PTPN4: variants seen among roughly 807,000 people sequenced by gnomAD.
PTPN4 encodes protein tyrosine phosphatase non-receptor type 4.
PTPN4 carries 49 observed loss-of-function variants against 135.5 expected under a neutral mutation model. The ratio of observed to expected loss-of-function variants is 0.36; its 90% CI spans 0.29 to 0.46. The LOEUF is 0.46. Ranked by LOEUF, PTPN4 falls within the 20% of genes least tolerant of loss-of-function variation. PTPN4 has a pLI of 1.00. For missense variants in PTPN4, 860 were observed against 1,101.0 expected (o/e 0.78, Z 3.10); for synonymous variants, 333 against 369.9 (o/e 0.90, Z 1.14).
At chr2:119,880,507 G>C (rs1454641210) in intron 5 of PTPN4, among the ~76,000 whole-genome samples, 1 of 150,944 alleles carries the variant, frequency 6.6e-6, no homozygotes, top group African/African-American at 2.4e-5. Context: ...TCGGCTCATT[G>C]CAAGCTCTGC....
intron 10 of PTPN4, among the ~76,000 whole-genome samples, chr2:119,903,061 C>A (rs1177542054): frequency 6.6e-6 from 1 of 152,152 alleles, no homozygotes; most frequent in Non-Finnish European, 1.5e-5. Flanking sequence ...TAACTGCACC[C>A]AGGATACAGC....
At position 119,875,351 on chromosome 2, in the gene PTPN4, C is replaced by A. The variant is rs138147080; in HGVS notation, c.247-1972C>A. Among the ~76,000 whole-genome samples, 3 of 152,240 alleles carry A rather than the reference C, an allele frequency of 2.0e-5. 1 individual carries two copies. The East Asian group carries it at 5.8e-4, about 29-fold the overall frequency. On this transcript the variant is annotated intron_variant, in intron 3 of 26. Transcript: ENST00000263708. ...GTACTTCTAAGCTATGTCAGCTTGA[C>A]ACATCTGTGTATGTAAATGTGTTTG... is the stretch of plus-strand genomic sequence containing the variant.
At chr2:119,837,544 G>C (rs1677314045) in intron 2 of PTPN4, among the ~76,000 whole-genome samples, 1 of 152,198 alleles carries the variant, frequency 6.6e-6, no homozygotes, top group South Asian at 2.1e-4. Context: ...CATTCTTCCT[G>C]GAGGGAGGAC....
intron 1 of PTPN4, among the ~76,000 whole-genome samples, chr2:119,775,815 ATATC>A (rs948184563): frequency 8.9e-5 from 13 of 146,806 alleles, no homozygotes; most frequent in African/African-American, 3.3e-4. Context: ...ATCTATATCT[ATATC>A]TATATCTATA....
chr2:119,965,248 T>C (rs533491274), intron 24 of PTPN4, among the ~76,000 whole-genome samples: 1 of 152,262 alleles, frequency 6.6e-6, no homozygotes, highest in East Asian at 1.9e-4. Flanking sequence ...CAAGTTGTTA[T>C]CTGTAGAGCA....
rs535936924 is a variant in PTPN4, at chr2:119,948,770, C to T, written c.1656+2196C>T. Among the ~76,000 whole-genome samples, 5 of 152,048 alleles carry T rather than the reference C, an allele frequency of 3.3e-5. No individual in the cohort carries two copies. The South Asian group carries it at 1.0e-3, about 32-fold the overall frequency. On this transcript the variant is annotated intron_variant, in intron 18 of 26. Coordinates refer to ENST00000263708, the MANE Select transcript of PTPN4 (RefSeq NM_002830.4). ...ATATAAATATGGAAATATATCCATA[C>T]GATGGCATTATGGAAAAATATATAA...
At chr2:119,825,827 T>C (rs1677138834) in intron 2 of PTPN4, among the ~76,000 whole-genome samples, 2 of 152,144 alleles carry the variant, frequency 1.3e-5, no homozygotes, top group Admixed American at 6.5e-5. Flanking sequence ...CAAACTGGTG[T>C]TTTTATTTCC....
At chr2:119,863,333 T>C (rs1677787516) in intron 3 of PTPN4, among the ~76,000 whole-genome samples, 1 of 152,112 alleles carries the variant, frequency 6.6e-6, no homozygotes, top group Non-Finnish European at 1.5e-5. Flanking sequence ...AAATTCTGAT[T>C]GAATTCTTTG....
chr2:119,947,929 G>A (rs1286034488), intron 18 of PTPN4, among the ~76,000 whole-genome samples: 2 of 152,180 alleles, frequency 1.3e-5, no homozygotes, highest in African/African-American at 4.8e-5. Flanking sequence ...GTAGCCCACA[G>A]GGACCTCTCA....
At chr2:119,826,071 C>T (rs1398596857) in intron 2 of PTPN4, among the ~76,000 whole-genome samples, 1 of 152,094 alleles carries the variant, frequency 6.6e-6, no homozygotes, top group South Asian at 2.1e-4. Context: ...TGTGTTGGGA[C>T]CCAGGTGTGT....
chr2:119,771,059 G>A (rs1295215000), intron 1 of PTPN4, among the ~76,000 whole-genome samples: 1 of 152,070 alleles, frequency 6.6e-6, no homozygotes, highest in Non-Finnish European at 1.5e-5. Flanking sequence ...CTTTTACTCA[G>A]TAGAAATCAG....
chr2:119,956,393 T>TA (rs1282570213), intron 20 of PTPN4, among the ~76,000 whole-genome samples: 1 of 152,162 alleles, frequency 6.6e-6, no homozygotes, highest in Non-Finnish European at 1.5e-5. Flanking sequence ...GGATAGTTTT[T>TA]AATGTGTTTT....
chr2:119,912,713 C>T (rs1678591950), intron 10 of PTPN4, among the ~76,000 whole-genome samples: 1 of 151,996 alleles, frequency 6.6e-6, no homozygotes. Context: ...ATTTTTAAAT[C>T]ACTATTGATA....
Position 119,877,460 on chromosome 2 carries a change from C to G in PTPN4, c.290-4C>G. On this transcript the variant is annotated splice_polypyrimidine_tract_variant and splice_region_variant and intron_variant, in intron 4 of 26. Coordinates refer to ENST00000263708, the MANE Select transcript of PTPN4 (RefSeq NM_002830.4). ...TTAATTAGAACTACTTTTATTAATT[C>G]TAGGAGGATCTCCTTACAGTTTGAA... 1 of 1,608,556 alleles carries G rather than the reference C, an allele frequency of 6.2e-7. No individual in the cohort carries two copies. The highest frequency in any genetic ancestry group is 8.5e-7 in the Non-Finnish European group (1 of 1,178,324).
intron 1 of PTPN4, among the ~76,000 whole-genome samples, chr2:119,770,945 T>G (rs1056123526): frequency 6.6e-6 from 1 of 151,390 alleles, no homozygotes; most frequent in Non-Finnish European, 1.5e-5. Context: ...AGTGGCGCAG[T>G]CTCTGCTCAC....
intron 15 of PTPN4, among the ~76,000 whole-genome samples, chr2:119,939,298 T>TTTTG (rs1178410345): frequency 6.6e-6 from 1 of 152,000 alleles, no homozygotes; most frequent in South Asian, 2.1e-4. Context: ...AGAAGTGGCT[T>TTTTG]TTTGTTTGTT....
At chr2:119,780,187 C>G (rs1022246379) in intron 1 of PTPN4, among the ~76,000 whole-genome samples, 5 of 152,108 alleles carry the variant, frequency 3.3e-5, no homozygotes, top group African/African-American at 9.7e-5. Context: ...CTTTCTTGCT[C>G]TCTCTTTATA....
chr2:119,919,004 G>T (rs1474846253), intron 11 of PTPN4, among the ~76,000 whole-genome samples: 1 of 152,130 alleles, frequency 6.6e-6, no homozygotes, highest in East Asian at 1.9e-4. Context: ...GTACAATAAA[G>T]TTCAAAAACA....
intron 3 of PTPN4, among the ~76,000 whole-genome samples, chr2:119,873,015 G>A (rs1202526371): frequency 6.6e-6 from 1 of 152,120 alleles, no homozygotes; most frequent in Non-Finnish European, 1.5e-5. Context: ...TTGAAACAAG[G>A]TCTTGCTCTG....
Sources: gnomAD v4.1 joint callset for allele counts (sites outside exome capture counted in the v4.1 genomes callset) on GRCh38, gnomAD v4.1.1 for gene constraint, MANE v1.5 for transcripts, NCBI Gene and HGNC (gene_info 2026-07-23, HGNC 2026-07-21) for gene names.